HS3ST2: variants seen among roughly 807,000 people sequenced by gnomAD.
HS3ST2 encodes the protein heparan sulfate glucosamine 3-O-sulfotransferase 2.
In HS3ST2, 17 loss-of-function variants were observed where a neutral mutation model predicts 26.3. The ratio of observed to expected loss-of-function variants is 0.65; its 90% CI spans 0.44 to 0.97. The LOEUF is 0.97. HS3ST2 is among the 50% of genes least tolerant of loss of function. The pLI is 0.00. For missense variants in HS3ST2, 402 were observed against 501.2 expected, an observed-to-expected ratio of 0.80 and a Z score of 1.89; for synonymous variants, 237 against 219.2, an observed-to-expected ratio of 1.08 and a Z score of -0.72.
At chr16:22,830,516 C>G (rs1270456381) in intron 1 of HS3ST2, among the ~76,000 whole-genome samples, 1 of 152,176 alleles carries the variant, frequency 6.6e-6, no homozygotes, top group Non-Finnish European at 1.5e-5. Flanking sequence ...ACAGAGAGGG[C>G]TGGAGAATGA....
chr16:22,912,537 C>T (rs540221300), intron 1 of HS3ST2, among the ~76,000 whole-genome samples: 3 of 152,174 alleles, frequency 2.0e-5, no homozygotes, highest in Admixed American at 6.5e-5. Context: ...AAGGGCAAGC[C>T]GGTGTTGTTA....
chr16:22,891,362 T>C (rs1902126395), intron 1 of HS3ST2, among the ~76,000 whole-genome samples: 1 of 152,140 alleles, frequency 6.6e-6, no homozygotes, highest in South Asian at 2.1e-4. Flanking sequence ...TTTTATTTTA[T>C]CCCCTTTAAT....
rs1902258605 is a variant in HS3ST2, at chr16:22,899,716, A to G, written c.486-15228A>G. ...AAGGAAGAGCAAAAACACGTCTTACATGGCAACAGGCAAGAGAGAGAGCAT... is the reference window on the plus strand; with the variant it reads ...AAGGAAGAGCAAAAACACGTCTTACGTGGCAACAGGCAAGAGAGAGAGCAT... On this transcript the variant is annotated intron_variant, in intron 1 of 1. Transcript: ENST00000261374. Among the ~76,000 whole-genome samples the G allele has an allele frequency of 2.6e-5, 4 of 152,204 alleles. No individual in the cohort carries two copies. The South Asian group carries it at 8.3e-4, about 32-fold the overall frequency.
In HS3ST2 at chr16:22,915,964, C is replaced by T. The variant is rs1902490999; in HGVS notation, c.*402C>T. 1.1e-5 allele frequency: 2 copies of T among 181,548 alleles called. No homozygotes were observed. The allele number at this position is 181,548 out of a possible 1,614,324, so 11.2% of individuals were successfully genotyped here. On this transcript the variant is annotated 3_prime_UTR_variant, in exon 2 of 2. Coordinates refer to ENST00000261374, the MANE Select transcript of HS3ST2 (RefSeq NM_006043.2). The stretch of plus-strand genomic sequence containing the variant: ...CCACCCAGGAGTGGCCTTGTTAATT[C>T]CAAGTGGCATGTATCTTCCCTCTGA...
At chr16:22,838,443 C>T (rs1024755215) in intron 1 of HS3ST2, among the ~76,000 whole-genome samples, 2 of 152,212 alleles carry the variant, frequency 1.3e-5, no homozygotes, top group Non-Finnish European at 2.9e-5. Context: ...CTCCAGCAGC[C>T]GCAGAATGAG....
At chr16:22,884,852 T>TC (rs1902039253) in intron 1 of HS3ST2, among the ~76,000 whole-genome samples, 1 of 149,878 alleles carries the variant, frequency 6.7e-6, no homozygotes, top group South Asian at 2.1e-4. Context: ...CTGTCTTTTT[T>TC]TTTTTTTAAA....
chr16:22,868,163 T>G (rs1032422799), intron 1 of HS3ST2, among the ~76,000 whole-genome samples: 2 of 152,086 alleles, frequency 1.3e-5, no homozygotes, highest in Non-Finnish European at 2.9e-5. Context: ...ATCCCAGCAC[T>G]TTGGGAGGCG....
intron 1 of HS3ST2, among the ~76,000 whole-genome samples, chr16:22,865,561 T>TA (rs998661523): frequency 2.7e-4 from 39 of 146,756 alleles, no homozygotes; most frequent in South Asian, 6.5e-4. Context: ...GTCTAAAAAA[T>TA]AAAAAAAAAA....
chr16:22,894,022 T>C (rs1902170772), intron 1 of HS3ST2, among the ~76,000 whole-genome samples: 2 of 152,216 alleles, frequency 1.3e-5, no homozygotes, highest in South Asian at 4.1e-4. Context: ...GGTCTTACTA[T>C]GTTGCCCAGG....
At chr16:22,856,019 G>A (rs1208874914) in intron 1 of HS3ST2, among the ~76,000 whole-genome samples, 1 of 152,188 alleles carries the variant, frequency 6.6e-6, no homozygotes, top group Non-Finnish European at 1.5e-5. Flanking sequence ...AAAAAGAAAT[G>A]TTGGGGTATC....
chr16:22,821,450 G>C (rs1043834163), intron 1 of HS3ST2, among the ~76,000 whole-genome samples: 3 of 151,718 alleles, frequency 2.0e-5, no homozygotes, highest in South Asian at 2.1e-4. Flanking sequence ...GGGACGGGGT[G>C]GGGGAGCACA....
At chr16:22,865,049 C>CAAAAAAAA (rs59256411) in intron 1 of HS3ST2, among the ~76,000 whole-genome samples, 1 of 50,044 alleles carries the variant, frequency 2.0e-5, no homozygotes. Flanking sequence ...GACCCTATCT[C>CAAAAAAAA]AAAAAAAAAA....
At chr16:22,873,228 T>G (rs898637708) in intron 1 of HS3ST2, among the ~76,000 whole-genome samples, 3 of 152,108 alleles carry the variant, frequency 2.0e-5, no homozygotes, top group Non-Finnish European at 2.9e-5. Flanking sequence ...GCTCCATCAC[T>G]CCAAGGGAAA....
At chr16:22,858,663 A>G (rs1242937897) in intron 1 of HS3ST2, among the ~76,000 whole-genome samples, 2 of 152,170 alleles carry the variant, frequency 1.3e-5, no homozygotes, top group African/African-American at 4.8e-5. Context: ...GCAGCTAGAC[A>G]GCCAGGGTTC....
chr16:22,866,891 G>C (rs1901765615), intron 1 of HS3ST2, among the ~76,000 whole-genome samples: 2 of 151,964 alleles, frequency 1.3e-5, no homozygotes. Context: ...TACAGGGCCT[G>C]GCATATACCT....
chr16:22,815,665 A>AC (rs1284314140), intron 1 of HS3ST2, among the ~76,000 whole-genome samples: 2 of 151,770 alleles, frequency 1.3e-5, no homozygotes, highest in African/African-American at 2.4e-5. Context: ...TGGGGCTGAG[A>AC]CCCCCAGTAG....
At chr16:22,876,486 T>G (rs1901919531) in intron 1 of HS3ST2, among the ~76,000 whole-genome samples, 1 of 152,150 alleles carries the variant, frequency 6.6e-6, no homozygotes. Flanking sequence ...TTAAAAAAAT[T>G]AAAACATAAT....
chr16:22,893,466 G>T (rs1158608865), intron 1 of HS3ST2, among the ~76,000 whole-genome samples: 2 of 152,140 alleles, frequency 1.3e-5, no homozygotes, highest in African/African-American at 4.8e-5. Flanking sequence ...ATCAGCTTTT[G>T]TCCTTAATGA....
At chr16:22,817,354 T>A (rs1280892964) in intron 1 of HS3ST2, among the ~76,000 whole-genome samples, 1 of 152,142 alleles carries the variant, frequency 6.6e-6, no homozygotes, top group East Asian at 1.9e-4. Flanking sequence ...CTGTGTGGTT[T>A]GTGCTTCTTT....
Sources: allele counts gnomAD v4.1 joint callset (sites outside exome capture counted in the v4.1 genomes callset), GRCh38; gene constraint gnomAD v4.1.1; transcripts MANE v1.5; gene names NCBI Gene and HGNC (gene_info 2026-07-23, HGNC 2026-07-21).